Variants in MAGI1 observed in about 807,000 individuals in gnomAD.
The protein encoded by MAGI1 is membrane-associated guanylate kinase, WW and PDZ domain-containing protein 1.
In MAGI1, 58 loss-of-function variants were observed where a neutral mutation model predicts 139.9. The ratio of observed to expected loss-of-function variants is 0.41; its 90% CI spans 0.34 to 0.52. The LOEUF (loss-of-function observed/expected upper bound fraction) is 0.52. Among genes scored for constraint, MAGI1 ranks in the 20% least tolerant of loss-of-function variants. The pLI is 0.12. For synonymous variants in MAGI1, 812 were observed against 737.9 expected, an observed-to-expected ratio of 1.10 and a Z score of -1.63; for missense variants, 1,874 against 1,901.6, an observed-to-expected ratio of 0.99 and a Z score of 0.27.
At chr3:65,746,819 T>C (rs1328964303) in intron 1 of MAGI1, among the ~76,000 whole-genome samples, 2 of 152,208 alleles carry the variant, frequency 1.3e-5, no homozygotes, top group South Asian at 2.1e-4. Context: ...ACTCAGTAAG[T>C]ATATTCAGAG....
intron 2 of MAGI1, among the ~76,000 whole-genome samples, chr3:65,521,808 A>G (rs1207093861): frequency 1.3e-5 from 2 of 152,232 alleles, no homozygotes; most frequent in Admixed American, 1.3e-4. Context: ...CAGTTTTTAC[A>G]AAGAAGCTAC....
intron 2 of MAGI1, among the ~76,000 whole-genome samples, chr3:65,526,748 T>C (rs114101797): frequency 2.0e-3 from 303 of 152,266 alleles, no homozygotes; most frequent in Non-Finnish European, 2.8e-3. Context: ...ACTCTTTCAG[T>C]GCTATGATGG....
intron 1 of MAGI1, among the ~76,000 whole-genome samples, chr3:65,770,706 T>C (rs1172272572): frequency 6.6e-6 from 1 of 152,120 alleles, no homozygotes; most frequent in Non-Finnish European, 1.5e-5. Flanking sequence ...CTTATTTATT[T>C]TGAAGTGGAG....
chr3:65,751,186 G>A (rs1189667275), intron 1 of MAGI1, among the ~76,000 whole-genome samples: 1 of 152,194 alleles, frequency 6.6e-6, no homozygotes, highest in Non-Finnish European at 1.5e-5. Flanking sequence ...TTCAAAAGAT[G>A]AGAAAGGTAT....
At chr3:65,452,253 G>T (rs1331386292) in intron 6 of MAGI1, among the ~76,000 whole-genome samples, 1 of 152,042 alleles carries the variant, frequency 6.6e-6, no homozygotes, top group African/African-American at 2.4e-5. Context: ...AACGTAATCT[G>T]CAAACCATGT....
intron 1 of MAGI1, among the ~76,000 whole-genome samples, chr3:65,660,792 G>A (rs2086149488): frequency 2.0e-5 from 3 of 152,108 alleles, no homozygotes. Flanking sequence ...CATCTCTATG[G>A]GAGGCCACCA....
intron 1 of MAGI1, among the ~76,000 whole-genome samples, chr3:65,659,200 C>A (rs1339069970): frequency 1.3e-5 from 2 of 151,922 alleles, no homozygotes; most frequent in Non-Finnish European, 2.9e-5. Context: ...ACTTCCAGTT[C>A]TGTTTCTGGA....
intron 1 of MAGI1, among the ~76,000 whole-genome samples, chr3:65,910,772 A>C (rs2061626596): frequency 6.6e-6 from 1 of 150,544 alleles, no homozygotes; most frequent in Non-Finnish European, 1.5e-5. Flanking sequence ...GAAGGTCCTG[A>C]CCTAGTAGTT....
intron 5 of MAGI1, among the ~76,000 whole-genome samples, chr3:65,461,689 C>A (rs529585363): frequency 6.6e-6 from 1 of 151,830 alleles, no homozygotes; most frequent in African/African-American, 2.4e-5. Flanking sequence ...GGGGTTTCAC[C>A]GTATTAGCCA....
chr3:65,540,505 T>C (rs2079160206), intron 2 of MAGI1, among the ~76,000 whole-genome samples: 1 of 152,220 alleles, frequency 6.6e-6, no homozygotes, highest in African/African-American at 2.4e-5. Flanking sequence ...TGAATATACA[T>C]TTTAAAAATA....
chr3:65,826,976 T>A (rs553564899), intron 1 of MAGI1, among the ~76,000 whole-genome samples: 2 of 148,826 alleles, frequency 1.3e-5, no homozygotes, highest in Non-Finnish European at 3.0e-5. Flanking sequence ...TGCTCTAATA[T>A]GAATTTGTGC....
intron 1 of MAGI1, among the ~76,000 whole-genome samples, chr3:66,029,136 T>G (rs922718789): frequency 6.6e-6 from 1 of 152,132 alleles, no homozygotes; most frequent in Non-Finnish European, 1.5e-5. Flanking sequence ...TCATAAAGTG[T>G]AAAGCCTGCC....
At chr3:66,024,315 T>TAAAAAAAAAAAAAAAAAAAA (rs34593257) in intron 1 of MAGI1, among the ~76,000 whole-genome samples, 3 of 95,778 alleles carry the variant, frequency 3.1e-5, no homozygotes, top group Non-Finnish European at 6.1e-5. Flanking sequence ...CAAAGTTCAT[T>TAAAAAAAAAAAAAAAAAAAA]AAAAAAAAAA....
intron 1 of MAGI1, among the ~76,000 whole-genome samples, chr3:65,686,012 T>A (rs926171133): frequency 6.6e-6 from 1 of 152,122 alleles, no homozygotes; most frequent in East Asian, 1.9e-4. Flanking sequence ...ATAGAAACTT[T>A]TTCCCCAATT....
intron 1 of MAGI1, chr3:65,688,416 C>A: frequency 1.9e-6 from 1 of 530,220 alleles, no homozygotes; most frequent in Non-Finnish European, 3.7e-6. Flanking sequence ...GAAGAGAAGA[C>A]AGAAGAACCA....
rs1184883551 is a variant in MAGI1 at position 65,530,772 on chromosome 3, T to TAC, written c.431-37143_431-37142dup. On this transcript the variant is annotated intron_variant, in intron 2 of 22. Transcript: ENST00000402939. The stretch of plus-strand genomic sequence containing the variant: ...ATATATACACGTATATATATATATA[T>TAC]ACACACATATATATACACGTATATA... 2.3e-3 allele frequency among the ~76,000 whole-genome samples: 61 copies of TAC among 26,726 alleles called. 6 individuals carry two copies. In the East Asian group the frequency reaches 0.025, roughly 11 times the overall value. 17.5% of individuals were successfully genotyped at this position (26,726 alleles called of 152,430 possible).
intron 1 of MAGI1, among the ~76,000 whole-genome samples, chr3:65,676,543 T>C (rs1393497352): frequency 6.6e-6 from 1 of 152,166 alleles, no homozygotes; most frequent in Non-Finnish European, 1.5e-5. Context: ...AAATGCAGAA[T>C]TGGACCAGGC....
chr3:65,421,593 A>C (rs1946632129), intron 12 of MAGI1, among the ~76,000 whole-genome samples: 1 of 152,186 alleles, frequency 6.6e-6, no homozygotes, highest in Admixed American at 6.5e-5. Context: ...TGATATATAA[A>C]AATTTTAGTT....
rs752424969 is a variant in MAGI1, at chr3:65,391,267, G to C, written c.2291C>G (p.Thr764Arg). The C allele has an allele frequency of 1.9e-6, 3 of 1,614,100 alleles. No homozygotes were observed. In the Admixed American group the frequency reaches 5.0e-5, roughly 27 times the overall value. Residue 764 changes from threonine (T) to arginine (R), a missense_variant, in exon 14 of 23, where the codon ACA (threonine) becomes AGA (arginine). Coordinates refer to ENST00000402939, the MANE Select transcript of MAGI1 (RefSeq NM_001033057.2). ...AGGTGGGAACTCGGGGAGCACCTGT[G>C]TGCTGTGGCTTGGGGATGCTGTGTG... ...SLHTASPSHS[T>R]QVLPEFPPAE...
Sources: allele counts gnomAD v4.1 joint callset (sites outside exome capture counted in the v4.1 genomes callset), GRCh38; gene constraint gnomAD v4.1.1; transcripts MANE v1.5; gene names NCBI Gene and HGNC (gene_info 2026-07-23, HGNC 2026-07-21).